Variants in ZMIZ1 observed in about 807,000 individuals in gnomAD.
ZMIZ1 encodes the protein zinc finger MIZ domain-containing protein 1.
A neutral mutation model predicts 113.9 loss-of-function variants in ZMIZ1; 17 were observed. The observed-to-expected ratio is 0.15, with a 90% CI of 0.10 to 0.22. The LOEUF (loss-of-function observed/expected upper bound fraction) is 0.22, where lower values mean the gene tolerates loss of function less well. ZMIZ1 is among the 10% of genes least tolerant of loss of function. The pLI is 1.00. For synonymous variants in ZMIZ1, 607 were observed against 603.1 expected, an observed-to-expected ratio of 1.01 and a Z score of -0.09; for missense variants, 1,059 against 1,477.8, an observed-to-expected ratio of 0.72 and a Z score of 4.65.
chr10:79,155,354 T>A (rs964048371), intron 3 of ZMIZ1, among the ~76,000 whole-genome samples: 1 of 152,124 alleles, frequency 6.6e-6, no homozygotes, highest in South Asian at 2.1e-4. Context: ...TGATGCAAAC[T>A]CAAAGGAAAG....
intron 7 of ZMIZ1, among the ~76,000 whole-genome samples, chr10:79,223,771 A>G (rs1022391991): frequency 6.6e-6 from 1 of 152,028 alleles, no homozygotes; most frequent in Admixed American, 6.5e-5. Context: ...CCTCTGAATT[A>G]CCCTGGGTGA....
intron 6 of ZMIZ1, among the ~76,000 whole-genome samples, chr10:79,214,596 C>T (rs574028924): frequency 1.3e-5 from 2 of 152,246 alleles, no homozygotes; most frequent in East Asian, 1.9e-4. Context: ...TTAAGGCAGG[C>T]GTGGGGAACG....
intron 1 of ZMIZ1, among the ~76,000 whole-genome samples, chr10:79,074,407 A>G (rs1337490521): frequency 6.6e-6 from 1 of 152,168 alleles, no homozygotes; most frequent in African/African-American, 2.4e-5. Flanking sequence ...CCCCTCCCAT[A>G]TGGCAGCACA....
chr10:79,116,326 A>G (rs544656571), intron 1 of ZMIZ1, among the ~76,000 whole-genome samples: 1 of 152,138 alleles, frequency 6.6e-6, no homozygotes, highest in East Asian at 1.9e-4. Flanking sequence ...CCCAACCCTG[A>G]TAGAGCTTCT....
chr10:79,174,880 C>T (rs918372144), intron 4 of ZMIZ1, among the ~76,000 whole-genome samples: 1 of 152,200 alleles, frequency 6.6e-6, no homozygotes, highest in Non-Finnish European at 1.5e-5. Flanking sequence ...CCGAAGAAGC[C>T]CAGGCCATTG....
At chr10:79,277,139 A>G (rs1589545816) in intron 7 of ZMIZ1, 42 bp from the exon 8 acceptor site, 2 of 1,466,318 alleles carry the variant, frequency 1.4e-6, no homozygotes, top group African/African-American at 1.5e-5. Flanking sequence ...GTGGCAGAGC[A>G]TGATGAACAA....
chr10:79,255,513 T>C (rs1850831923), intron 7 of ZMIZ1, among the ~76,000 whole-genome samples: 1 of 152,166 alleles, frequency 6.6e-6, no homozygotes, highest in South Asian at 2.1e-4. Context: ...ATATCTGCGT[T>C]CCTAACCATC....
chr10:79,293,757 C>T (rs1418680403), intron 12 of ZMIZ1, 104 bp downstream of exon 12: 9 of 1,543,964 alleles, frequency 5.8e-6, no homozygotes, highest in Non-Finnish European at 7.1e-6. Flanking sequence ...TGGACTCCAG[C>T]ACACTTGGAC....
intron 7 of ZMIZ1, among the ~76,000 whole-genome samples, chr10:79,219,612 C>A (rs1194795023): frequency 6.6e-6 from 1 of 152,172 alleles, no homozygotes; most frequent in Non-Finnish European, 1.5e-5. Context: ...ATCACTTCTT[C>A]GCTTGAAACA....
chr10:79,198,214 A>G (rs1023280956), intron 4 of ZMIZ1, among the ~76,000 whole-genome samples: 26 of 152,154 alleles, frequency 1.7e-4, no homozygotes, highest in Non-Finnish European at 3.2e-4. Context: ...AGTGGAGATC[A>G]CGCCACTGCA....
At chr10:79,198,250 C>T (rs1847928622) in intron 4 of ZMIZ1, among the ~76,000 whole-genome samples, 1 of 151,690 alleles carries the variant, frequency 6.6e-6, no homozygotes, top group Admixed American at 6.6e-5. Context: ...CAGACTCTGT[C>T]TCAAAAACAA....
intron 1 of ZMIZ1, among the ~76,000 whole-genome samples, chr10:79,076,270 G>A (rs1842472760): frequency 6.6e-6 from 1 of 152,226 alleles, no homozygotes; most frequent in African/African-American, 2.4e-5. Context: ...TGTATTGAGT[G>A]TGTGCTGTTG....
At chr10:79,204,506 A>T (rs949334814) in intron 5 of ZMIZ1, among the ~76,000 whole-genome samples, 2 of 152,146 alleles carry the variant, frequency 1.3e-5, no homozygotes, top group Non-Finnish European at 2.9e-5. Context: ...CCTGAGCTTG[A>T]ACACTTCCTG....
intron 3 of ZMIZ1, among the ~76,000 whole-genome samples, chr10:79,152,277 G>A (rs1845743608): frequency 6.6e-6 from 1 of 152,150 alleles, no homozygotes; most frequent in Non-Finnish European, 1.5e-5. Flanking sequence ...GGCAAGAGGA[G>A]CACTTGAGCT....
At chr10:79,162,550 C>T (rs1846156721) in intron 4 of ZMIZ1, among the ~76,000 whole-genome samples, 2 of 152,224 alleles carry the variant, frequency 1.3e-5, no homozygotes, top group Non-Finnish European at 2.9e-5. Context: ...TGCCCACTCT[C>T]ACAAACATGC....
intron 7 of ZMIZ1, among the ~76,000 whole-genome samples, chr10:79,224,288 T>C (rs1849114229): frequency 6.6e-6 from 1 of 152,076 alleles, no homozygotes; most frequent in Non-Finnish European, 1.5e-5. Flanking sequence ...GTTTCCCACA[T>C]TTTCTTCTTT....
At chr10:79,310,130 C>T (rs1268765172) in intron 23 of ZMIZ1, among the ~76,000 whole-genome samples, 6 of 152,198 alleles carry the variant, frequency 3.9e-5, no homozygotes, top group Non-Finnish European at 7.3e-5. Context: ...CAGCAAGACA[C>T]CCACCATTGG....
chr10:79,298,278 T>G, intron 14 of ZMIZ1, 128 bp from the exon 15 acceptor site: 1 of 1,055,382 alleles, frequency 9.5e-7, no homozygotes, highest in Non-Finnish European at 1.4e-6. Flanking sequence ...AGAGTTTCCC[T>G]GGAGGAGGCT....
intron 8 of ZMIZ1, chr10:79,285,362 C>T (rs746449715): frequency 1.7e-4 from 69 of 417,306 alleles, no homozygotes; most frequent in Middle Eastern, 7.5e-4. Context: ...CCAAGGTGTG[C>T]GGGACTCTGG....
Sources: gnomAD v4.1 joint callset for allele counts (sites outside exome capture counted in the v4.1 genomes callset) on GRCh38, gnomAD v4.1.1 for gene constraint, MANE v1.5 for transcripts, NCBI Gene and HGNC (gene_info 2026-07-23, HGNC 2026-07-21) for gene names.